BTBD9: variants seen among roughly 807,000 people sequenced by gnomAD.
BTBD9 encodes the protein BTB domain containing 9.
A neutral mutation model predicts 64.3 loss-of-function variants in BTBD9; 49 were observed. The observed-to-expected ratio is 0.76, with a 90% confidence interval of 0.61 to 0.97. The LOEUF is 0.97. Ranked by LOEUF, BTBD9 falls within the 50% of genes least tolerant of loss-of-function variation. BTBD9 has a pLI of 0.00. For missense variants in BTBD9, 598 were observed against 762.1 expected (o/e 0.78, Z 2.53); for synonymous variants, 260 against 274.7 (o/e 0.95, Z 0.53).
chr6:38,555,386 G>A (rs1026809707), intron 6 of BTBD9, among the ~76,000 whole-genome samples: 27 of 152,194 alleles, frequency 1.8e-4, no homozygotes, highest in African/African-American at 5.8e-4. Flanking sequence ...GACATTTAAA[G>A]TGAATTCACT....
chr6:38,298,144 C>G (rs1270283785), intron 7 of BTBD9, among the ~76,000 whole-genome samples: 1 of 151,940 alleles, frequency 6.6e-6, no homozygotes, highest in Non-Finnish European at 1.5e-5. Flanking sequence ...TGTGAGCCAC[C>G]ACACCTGGCC....
intron 9 of BTBD9, among the ~76,000 whole-genome samples, chr6:38,196,651 G>A (rs1762282360): frequency 6.6e-6 from 1 of 152,228 alleles, no homozygotes; most frequent in Admixed American, 6.5e-5. Context: ...TGTGCAAGAT[G>A]TAGTGCCCCT....
At chr6:38,295,087 T>C (rs1762107714) in intron 7 of BTBD9, among the ~76,000 whole-genome samples, 2 of 152,208 alleles carry the variant, frequency 1.3e-5, no homozygotes, top group African/African-American at 4.8e-5. Context: ...TGCCAAGCTT[T>C]TGTAGGTCAA....
chr6:38,222,291 T>C (rs1164278284), intron 9 of BTBD9, among the ~76,000 whole-genome samples: 2 of 141,270 alleles, frequency 1.4e-5, no homozygotes, highest in East Asian at 2.6e-4. Flanking sequence ...GAGACAGTCT[T>C]GCTCTGTCAC....
intron 1 of BTBD9, among the ~76,000 whole-genome samples, chr6:38,630,539 TGTG>T (rs1323894476): frequency 1.3e-5 from 2 of 152,170 alleles, no homozygotes; most frequent in Non-Finnish European, 2.9e-5. Context: ...ATAAAACAAA[TGTG>T]GTAAAATGTT....
chr6:38,431,092 CTCTCT>C (rs754285049), intron 6 of BTBD9, among the ~76,000 whole-genome samples: 4 of 151,792 alleles, frequency 2.6e-5, no homozygotes, highest in African/African-American at 7.3e-5. Flanking sequence ...CAGTCTTTGT[CTCTCT>C]TCTCTTCTCT....
intron 7 of BTBD9, among the ~76,000 whole-genome samples, chr6:38,295,123 TTTTC>T (rs1385577993): frequency 6.6e-6 from 1 of 152,194 alleles, no homozygotes; most frequent in African/African-American, 2.4e-5. Context: ...TATTTAATCT[TTTTC>T]TTTATGACTT....
intron 1 of BTBD9, among the ~76,000 whole-genome samples, chr6:38,626,793 C>T (rs914101953): frequency 6.6e-5 from 10 of 152,154 alleles, no homozygotes; most frequent in African/African-American, 2.4e-4. Context: ...TTCTCAATCA[C>T]TGGTAAACAA....
chr6:38,351,715 G>A (rs1764522523), intron 6 of BTBD9, among the ~76,000 whole-genome samples: 1 of 151,740 alleles, frequency 6.6e-6, no homozygotes, highest in South Asian at 2.1e-4. Context: ...TAGCCAGTAT[G>A]GTCTCGATCT....
At chr6:38,353,433 G>A (rs779947055) in intron 6 of BTBD9, among the ~76,000 whole-genome samples, 45 of 151,986 alleles carry the variant, frequency 3.0e-4, no homozygotes, top group African/African-American at 1.1e-3. Context: ...AAAAAAGGGA[G>A]GGGGATAGAG....
chr6:38,375,100 C>G (rs1765631075), intron 6 of BTBD9, among the ~76,000 whole-genome samples: 1 of 152,166 alleles, frequency 6.6e-6, no homozygotes, highest in African/African-American at 2.4e-5. Context: ...TTGAAGAAGT[C>G]AGGAGGCAAG....
chr6:38,201,342 C>A (rs1433301575), intron 9 of BTBD9, among the ~76,000 whole-genome samples: 1 of 152,106 alleles, frequency 6.6e-6, no homozygotes, highest in African/African-American at 2.4e-5. Flanking sequence ...AGGACAAAAA[C>A]CATATGATCA....
intron 6 of BTBD9, among the ~76,000 whole-genome samples, chr6:38,454,477 G>GGGCCAATATTTAATTATCTTAAATATAA (rs1354051685): frequency 1.2e-4 from 17 of 137,502 alleles, no homozygotes; most frequent in Non-Finnish European, 2.4e-4. Flanking sequence ...CTTAAATATA[G>GGGCCAATATTTAATTATCTTAAATATAA]GGCCAATATT....
intron 6 of BTBD9, among the ~76,000 whole-genome samples, chr6:38,389,365 T>C (rs1766313680): frequency 6.6e-6 from 1 of 152,210 alleles, no homozygotes; most frequent in Non-Finnish European, 1.5e-5. Context: ...TGCAATACTT[T>C]CTTCTTTGTA....
chr6:38,197,425 C>T (rs184633492), intron 9 of BTBD9, among the ~76,000 whole-genome samples: 42 of 152,222 alleles, frequency 2.8e-4, no homozygotes, highest in Admixed American at 2.2e-3. Context: ...AGTCACTGTC[C>T]CCTGGGTTTT....
At chr6:38,398,887 A>G (rs1766808788) in intron 6 of BTBD9, among the ~76,000 whole-genome samples, 1 of 152,204 alleles carries the variant, frequency 6.6e-6, no homozygotes, top group Non-Finnish European at 1.5e-5. Flanking sequence ...CTCAGTTCAG[A>G]GCCTTTTGCC....
chr6:38,357,974 T>C (rs1019687902), intron 6 of BTBD9, among the ~76,000 whole-genome samples: 2 of 152,144 alleles, frequency 1.3e-5, no homozygotes, highest in African/African-American at 4.8e-5. Flanking sequence ...TTATCACCAT[T>C]CTGCAGAAAG....
At chr6:38,394,745 G>T (rs1766589737) in intron 6 of BTBD9, among the ~76,000 whole-genome samples, 1 of 151,998 alleles carries the variant, frequency 6.6e-6, no homozygotes, top group Admixed American at 6.6e-5. Flanking sequence ...CCATGCTGTA[G>T]GGACACTCAA....
intron 8 of BTBD9, among the ~76,000 whole-genome samples, chr6:38,279,935 C>G (rs1007175045): frequency 6.6e-6 from 1 of 152,128 alleles, no homozygotes; most frequent in African/African-American, 2.4e-5. Flanking sequence ...GACTACTTGC[C>G]AAGTTCTCCA....
Sources: allele counts gnomAD v4.1 joint callset (sites outside exome capture counted in the v4.1 genomes callset), GRCh38; gene constraint gnomAD v4.1.1; transcripts MANE v1.5; gene names NCBI Gene and HGNC (gene_info 2026-07-23, HGNC 2026-07-21).